The following DENND4C variants were observed in gnomAD, a reference collection of about 807,000 sequenced individuals.
The protein encoded by DENND4C is DENN domain-containing protein 4C.
DENND4C carries 108 observed loss-of-function variants against 203.0 expected under a neutral mutation model. The ratio of observed to expected loss-of-function variants is 0.53; its 90% CI spans 0.46 to 0.62. DENND4C has a LOEUF of 0.62. Ranked by LOEUF, DENND4C falls within the 20% of genes least tolerant of loss-of-function variation. The pLI, the probability that DENND4C is intolerant of heterozygous loss-of-function variation, is 0.00. For synonymous variants in DENND4C, 871 were observed against 792.4 expected (o/e 1.10, Z -1.67); for missense variants, 2,481 against 2,301.2 (o/e 1.08, Z -1.60).
At chr9:19,369,766 C>CAAAAAAA in intron 30 of DENND4C, 71 bp from the exon 31 acceptor site, 1 of 678,722 alleles carries the variant, frequency 1.5e-6, no homozygotes. Context: ...GATGTTGTCT[C>CAAAAAAA]AAAAAAAAAA....
At chr9:19,320,788 T>A (rs74576740) in intron 12 of DENND4C, among the ~76,000 whole-genome samples, 3,232 of 152,362 alleles carry the variant, frequency 0.021, 120 homozygotes, top group African/African-American at 0.073. Flanking sequence ...TTCATTGTAG[T>A]TCACCCATCA....
At chr9:19,242,776 C>T (rs1426466188) in intron 1 of DENND4C, among the ~76,000 whole-genome samples, 2 of 152,038 alleles carry the variant, frequency 1.3e-5, no homozygotes, top group Non-Finnish European at 2.9e-5. Context: ...CTGCCTCAGC[C>T]TTCTGAGTAG....
chr9:19,281,360 T>C (rs1834004769), intron 2 of DENND4C, among the ~76,000 whole-genome samples: 1 of 152,138 alleles, frequency 6.6e-6, no homozygotes, highest in African/African-American at 2.4e-5. Context: ...GTCTGGTGAC[T>C]TAAATGTTTT....
intron 29 of DENND4C, among the ~76,000 whole-genome samples, chr9:19,361,562 A>C (rs1826503506): frequency 6.6e-6 from 1 of 152,250 alleles, no homozygotes; most frequent in Admixed American, 6.5e-5. Context: ...AACCTCTTGC[A>C]CTTTGACCTT....
At position 19,367,305 on chromosome 9, in the gene DENND4C, A is replaced by G. The variant is rs1827879872; in HGVS notation, c.5525-2532A>G. The stretch of plus-strand genomic sequence containing the variant: ...ACAGCTCCTCAAAATGGCAAACCAT[A>G]TGAGTTACCATATGATACAGCAGTT... On this transcript the variant is annotated intron_variant, in intron 30 of 32. Coordinates refer to ENST00000434457, the MANE Select transcript of DENND4C (RefSeq NM_001330640.2). 2.0e-5 allele frequency among the ~76,000 whole-genome samples: 3 copies of G among 152,386 alleles called. No individual in the cohort carries two copies. The South Asian group carries it at 6.2e-4, about 32-fold the overall frequency.
intron 20 of DENND4C, among the ~76,000 whole-genome samples, chr9:19,340,523 A>G (rs7866416): frequency 0.16 from 24,146 of 152,134 alleles, 2,305 homozygotes; most frequent in Non-Finnish European, 0.21. Context: ...TAAAAGCAAT[A>G]CCATAAGCCA....
intron 2 of DENND4C, among the ~76,000 whole-genome samples, chr9:19,281,138 T>C (rs2130995381): frequency 6.6e-6 from 1 of 152,334 alleles, no homozygotes; most frequent in African/African-American, 2.4e-5. Flanking sequence ...TTGTTGTTGC[T>C]TGTGATACAA....
At chr9:19,286,260 G>A (rs1050987604) in intron 2 of DENND4C, among the ~76,000 whole-genome samples, 1 of 151,868 alleles carries the variant, frequency 6.6e-6, no homozygotes, top group Non-Finnish European at 1.5e-5. Flanking sequence ...TCTATTTGAG[G>A]GTATTGCCAT....
chr9:19,347,614 T>C (rs1435034900), intron 23 of DENND4C, among the ~76,000 whole-genome samples: 1 of 152,256 alleles, frequency 6.6e-6, no homozygotes, highest in African/African-American at 2.4e-5. Context: ...TATGCATATT[T>C]GGTTTCTTTC....
intron 1 of DENND4C, among the ~76,000 whole-genome samples, chr9:19,235,634 G>A (rs1448768536): frequency 2.4e-5 from 3 of 126,328 alleles, no homozygotes; most frequent in Non-Finnish European, 4.9e-5. Flanking sequence ...TTTTTGAGAC[G>A]GAGTCTCGCT....
intron 2 of DENND4C, among the ~76,000 whole-genome samples, chr9:19,283,638 T>C (rs1287769788): frequency 7.8e-6 from 1 of 128,112 alleles, no homozygotes; most frequent in Non-Finnish European, 1.6e-5. Flanking sequence ...TGAGACAGAG[T>C]TTCGTTCTTG....
chr9:19,332,689 G>C (rs1276585828), intron 17 of DENND4C, among the ~76,000 whole-genome samples: 1 of 150,332 alleles, frequency 6.7e-6, no homozygotes, highest in Non-Finnish European at 1.5e-5. Context: ...AAGAGATGGA[G>C]TCTCACTCCT....
At chr9:19,282,082 T>C (rs1203795818) in intron 2 of DENND4C, among the ~76,000 whole-genome samples, 1 of 152,164 alleles carries the variant, frequency 6.6e-6, no homozygotes, top group Admixed American at 6.5e-5. Context: ...AGCTTTATTA[T>C]AGCCTTTTTA....
intron 9 of DENND4C, among the ~76,000 whole-genome samples, chr9:19,301,734 C>A (rs748281323): frequency 3.3e-5 from 5 of 152,240 alleles, no homozygotes; most frequent in African/African-American, 9.6e-5. Context: ...GTCAAGAGAT[C>A]GAGACCATCC....
intron 13 of DENND4C, among the ~76,000 whole-genome samples, chr9:19,325,162 A>T (rs940173486): frequency 1.3e-5 from 2 of 152,126 alleles, no homozygotes; most frequent in Non-Finnish European, 1.5e-5. Flanking sequence ...TAATTAAAAA[A>T]TGTTTAGTTT....
chr9:19,312,470 A>C (rs1483417732), intron 10 of DENND4C, among the ~76,000 whole-genome samples: 4 of 152,230 alleles, frequency 2.6e-5, no homozygotes. Context: ...CTTGTGCAAA[A>C]GAAAAGGCAG....
At chr9:19,272,966 T>TTTTTTTG (rs1554715556) in intron 1 of DENND4C, among the ~76,000 whole-genome samples, 2 of 130,652 alleles carry the variant, frequency 1.5e-5, no homozygotes, top group Non-Finnish European at 3.3e-5. Context: ...TTTTTTTTTT[T>TTTTTTTG]GAGATGGAGT....
chr9:19,360,581 A>T, intron 29 of DENND4C, 92 bp downstream of exon 29: 1 of 1,494,072 alleles, frequency 6.7e-7, no homozygotes. Flanking sequence ...GCAGCTTAAC[A>T]AGACAGATTT....
chr9:19,367,161 C>G (rs543278840), intron 30 of DENND4C, among the ~76,000 whole-genome samples: 16 of 152,220 alleles, frequency 1.1e-4, no homozygotes, highest in African/African-American at 3.9e-4. Flanking sequence ...TTCATACTTA[C>G]TAGGATGGCT....
Sources: gnomAD v4.1 joint callset for allele counts (sites outside exome capture counted in the v4.1 genomes callset) on GRCh38, gnomAD v4.1.1 for gene constraint, MANE v1.5 for transcripts, NCBI Gene and HGNC (gene_info 2026-07-23, HGNC 2026-07-21) for gene names.